Variants in DOCK11 observed in about 807,000 individuals in gnomAD.
DOCK11 encodes the protein dedicator of cytokinesis 11, also known as dedicator of cytokinesis protein 11.
Under a neutral mutation model 169.1 loss-of-function variants are expected in DOCK11, and 70 were observed. The observed-to-expected ratio is 0.41, with a 90% CI of 0.34 to 0.51. The LOEUF (loss-of-function observed/expected upper bound fraction) is 0.51. Among genes scored for constraint, DOCK11 ranks in the 20% least tolerant of loss-of-function variants. The pLI is 0.10. For missense variants in DOCK11, 1,166 were observed against 1,538.8 expected, an observed-to-expected ratio of 0.76 and a Z score of 4.05; for synonymous variants, 529 against 541.3, an observed-to-expected ratio of 0.98 and a Z score of 0.32.
At position 118,608,044 on chromosome X, in the gene DOCK11, A is replaced by C. The variant is rs138593308; in HGVS notation, c.2682-28A>C. 2.3e-3 allele frequency: 2,638 copies of C among 1,148,649 alleles called. 44 individuals are homozygous for C. In the Admixed American group the frequency reaches 0.037, roughly 16 times the overall value. The allele number at this position is 1,148,649 out of a possible 1,213,427, so 94.7% of individuals were successfully genotyped here. The stretch of plus-strand genomic sequence containing the variant: ...ATATGTTAATTCATTATAGCATGAC[A>C]TGCTGACTCTTGTGAATGTCGTTTC... On this transcript the variant is annotated intron_variant, in intron 24 of 52. Coordinates refer to ENST00000276202, the MANE Select transcript of DOCK11 (RefSeq NM_144658.4).
Position 118,608,218 on chromosome X carries a change from T to A in DOCK11, c.2752-13T>A. 1 of 1,193,444 alleles carries A rather than the reference T, an allele frequency of 8.4e-7. No homozygotes were observed. The highest frequency in any genetic ancestry group is 1.1e-6 in the Non-Finnish European group (1 of 888,958). On this transcript the variant is annotated splice_polypyrimidine_tract_variant and intron_variant, in intron 25 of 52. Transcript: ENST00000276202. ...GTCTTACAGTTCATTTTTTTTTGTT[T>A]GTTTATTTGTAGTATAGCTTCCGAC...
intron 37 of DOCK11, 108 bp from the exon 38 acceptor site, chrX:118,639,325 AGT>A: frequency 1.3e-6 from 1 of 746,075 alleles, no homozygotes; most frequent in Non-Finnish European, 1.9e-6. Context: ...TTAATCCTTG[AGT>A]GTACTACTAT....
At position 118,599,174 on chromosome X, in the gene DOCK11, G is replaced by A; in HGVS notation, c.2508G>A (p.Gln836=). The change falls in exon 23 of 53, where the codon CAG becomes CAA. Residue 836 remains glutamine (Q), a synonymous_variant. Coordinates refer to ENST00000276202, the MANE Select transcript of DOCK11 (RefSeq NM_144658.4). ...LHVHKFFHHC[Q]LIQSGSKEVP... is the part of the protein sequence containing the mutation. The stretch of plus-strand genomic sequence containing the variant: ...TGCACAAATTCTTCCATCATTGCCA[G>A]CTGATTCAGTCAGGCTCGAAAGAAG... The A allele has an allele frequency of 9.9e-6, 12 of 1,210,986 alleles. No individual in the cohort carries two copies. Among genetic ancestry groups the A allele is most frequent in the Non-Finnish European group, 1.3e-5 (12 of 894,935 alleles).
At chrX:118,636,710 A>C (rs2015396132) in intron 36 of DOCK11, among the ~76,000 whole-genome samples, 1 of 111,871 alleles carries the variant, frequency 8.9e-6, no homozygotes, top group South Asian at 3.7e-4. Flanking sequence ...TGCATCATTC[A>C]TTTGGAACAG....
At chrX:118,586,177 G>A (rs1037623135) in intron 16 of DOCK11, among the ~76,000 whole-genome samples, 2 of 111,584 alleles carry the variant, frequency 1.8e-5, no homozygotes, top group Non-Finnish European at 3.8e-5. Flanking sequence ...TGCTTTAAAC[G>A]TAGGGAGTTT....
intron 20 of DOCK11, 100 bp downstream of exon 20, chrX:118,593,437 G>A: frequency 1.2e-6 from 1 of 819,846 alleles, no homozygotes; most frequent in African/African-American, 2.1e-5. Flanking sequence ...TTCTCCCCTT[G>A]ACCAAAAACC....
At chrX:118,674,110 A>G (rs1010175837) in intron 46 of DOCK11, among the ~76,000 whole-genome samples, 3 of 111,860 alleles carry the variant, frequency 2.7e-5, no homozygotes, top group African/African-American at 9.8e-5. Context: ...TCAGCCTGTG[A>G]TATTATATGT....
At chrX:118,562,966 A>G (rs185176269) in intron 7 of DOCK11, among the ~76,000 whole-genome samples, 1 of 112,432 alleles carries the variant, frequency 8.9e-6, no homozygotes, top group Non-Finnish European at 1.9e-5. Context: ...TGTTTCTTCT[A>G]TAATTACCAG....
chrX:118,580,330 T>G (rs1194917473), intron 14 of DOCK11, 151 bp downstream of exon 14: 4 of 465,939 alleles, frequency 8.6e-6, no homozygotes. Context: ...TTGTTGTTGT[T>G]TTTGAGACGG....
At chrX:118,532,636 T>C (rs1335327331) in intron 1 of DOCK11, among the ~76,000 whole-genome samples, 4 of 109,272 alleles carry the variant, frequency 3.7e-5, no homozygotes, top group Non-Finnish European at 7.6e-5. Context: ...AAAAAATTAG[T>C]CAGGCGTGGT....
At chrX:118,508,767 C>A (rs964239927) in intron 1 of DOCK11, among the ~76,000 whole-genome samples, 5 of 112,252 alleles carry the variant, frequency 4.5e-5, no homozygotes, top group African/African-American at 1.6e-4. Flanking sequence ...ACCGACATGA[C>A]CACTTGCAAG....
chrX:118,532,506 C>T (rs765880789), intron 1 of DOCK11, among the ~76,000 whole-genome samples: 16 of 108,967 alleles, frequency 1.5e-4, no homozygotes, highest in Non-Finnish European at 2.5e-4. Context: ...GCCGGCCGGG[C>T]GGGGTGGCTC....
At chrX:118,541,270 G>A (rs1048062771) in intron 1 of DOCK11, among the ~76,000 whole-genome samples, 1 of 111,693 alleles carries the variant, frequency 9.0e-6, no homozygotes, top group African/African-American at 3.3e-5. Flanking sequence ...CCGCTCCCCC[G>A]CAGTTGCAGG....
chrX:118,573,977 A>G lies in DOCK11; in HGVS notation c.1348A>G (p.Ile450Val), dbSNP rs759201313. The change falls in exon 12 of 53, where the codon ATT becomes GTT. Residue 450 changes from isoleucine (I) to valine (V), a missense_variant. By Grantham distance (29) the Ile-to-Val change is conservative (BLOSUM62 3). Coordinates refer to ENST00000276202, the MANE Select transcript of DOCK11 (RefSeq NM_144658.4). ...SPKGSSPESY[I>V]HGIAESQLRY... ...AAAGGGCTCTTCACCCGAATCTTAC[A>G]TTCATGGAATTGCCGAATCTCAGTT... 2 of 1,211,974 alleles carry G rather than the reference A, an allele frequency of 1.7e-6. No individual in the cohort carries two copies. The highest frequency in any genetic ancestry group is 2.2e-6 in the Non-Finnish European group (2 of 895,587).
intron 23 of DOCK11, among the ~76,000 whole-genome samples, chrX:118,602,095 T>G (rs955439281): frequency 3.7e-5 from 1 of 27,008 alleles, no homozygotes; most frequent in Non-Finnish European, 9.8e-5. Context: ...CGGCCAAGAC[T>G]TTTTTTTTTT....
chrX:118,641,929 T>C (rs2015544306), intron 39 of DOCK11, among the ~76,000 whole-genome samples: 1 of 111,490 alleles, frequency 9.0e-6, no homozygotes, highest in Admixed American at 9.6e-5. Flanking sequence ...ATTTTTTTTT[T>C]CCTTTTTCCC....
At chrX:118,515,520 A>C (rs943663598) in intron 1 of DOCK11, among the ~76,000 whole-genome samples, 2 of 111,367 alleles carry the variant, frequency 1.8e-5, no homozygotes, top group African/African-American at 3.3e-5. Context: ...GATGTGAGCC[A>C]CTGCACCCAG....
chrX:118,641,449 A>T, intron 39 of DOCK11, 144 bp downstream of exon 39: 1 of 461,106 alleles, frequency 2.2e-6, no homozygotes, highest in Non-Finnish European at 3.8e-6. Flanking sequence ...TTTGGTTATC[A>T]TGTGACCCTG....
intron 1 of DOCK11, among the ~76,000 whole-genome samples, chrX:118,511,193 A>G (rs2057649150): frequency 8.9e-6 from 1 of 112,513 alleles, no homozygotes; most frequent in Non-Finnish European, 1.9e-5. Context: ...CCTGGCTGTA[A>G]TGCACTGAAA....
Sources: allele counts gnomAD v4.1 joint callset (sites outside exome capture counted in the v4.1 genomes callset), GRCh38; gene constraint gnomAD v4.1.1; transcripts MANE v1.5; gene names NCBI Gene and HGNC (gene_info 2026-07-23, HGNC 2026-07-21).